The following DAB1 variants were observed in gnomAD, a reference collection of about 807,000 sequenced individuals.
DAB1 encodes the protein disabled homolog 1.
DAB1 carries 15 observed loss-of-function variants against 64.6 expected under a neutral mutation model. The observed-to-expected ratio is 0.23, with a 90% confidence interval of 0.16 to 0.36. The LOEUF (loss-of-function observed/expected upper bound fraction) is 0.36, where lower values mean the gene tolerates loss of function less well. Ranked by LOEUF, DAB1 falls within the 10% of genes least tolerant of loss-of-function variation. DAB1 has a pLI of 1.00. For missense variants in DAB1, 596 were observed against 706.7 expected (o/e 0.84, Z 1.78); for synonymous variants, 235 against 251.9 (o/e 0.93, Z 0.64).
At chr1:57,493,796 T>C (rs112178085) in intron 7 of DAB1, among the ~76,000 whole-genome samples, 4 of 138,226 alleles carry the variant, frequency 2.9e-5, no homozygotes, top group African/African-American at 1.4e-4. Context: ...ACACATTGAC[T>C]GACATTGCTT....
chr1:57,357,000 C>A (rs573233975), intron 1 of DAB1, among the ~76,000 whole-genome samples: 1 of 152,098 alleles, frequency 6.6e-6, no homozygotes, highest in South Asian at 2.1e-4. Context: ...ACAATAATGA[C>A]CCTATCCTAT....
intron 5 of DAB1, among the ~76,000 whole-genome samples, chr1:58,010,124 T>C (rs1646646184): frequency 6.6e-6 from 1 of 152,180 alleles, no homozygotes; most frequent in African/African-American, 2.4e-5. Flanking sequence ...AAAGCTGTTA[T>C]TCAGAATGTG....
chr1:58,359,203 C>T (rs1014683634), intron 3 of DAB1, among the ~76,000 whole-genome samples: 3 of 152,130 alleles, frequency 2.0e-5, no homozygotes, highest in Non-Finnish European at 4.4e-5. Flanking sequence ...AGCCTTCTTA[C>T]CACACCTGTG....
intron 2 of DAB1, among the ~76,000 whole-genome samples, chr1:57,238,787 G>A (rs552427788): frequency 1.3e-5 from 2 of 151,566 alleles, no homozygotes; most frequent in East Asian, 3.9e-4. Flanking sequence ...GAAATAAGGG[G>A]AGAGAAGAAA....
rs190140169 is a variant in DAB1 at position 57,352,583 on chromosome 1, T to A, written c.-136-61417A>T. Among the ~76,000 whole-genome samples the A allele has an allele frequency of 3.9e-5, 6 of 152,242 alleles. No homozygotes were observed. The East Asian group carries it at 1.2e-3, about 29-fold the overall frequency. The stretch of plus-strand genomic sequence containing the variant: ...CATAAGTACTATTATCACCTCCATT[T>A]TACAGACCAAGAAACCAAGGCATAG... On this transcript the variant is annotated intron_variant, in intron 1 of 14. Transcript: ENST00000371236.
intron 5 of DAB1, among the ~76,000 whole-genome samples, chr1:58,126,177 G>T (rs1253483790): frequency 6.6e-6 from 1 of 152,168 alleles, no homozygotes; most frequent in Non-Finnish European, 1.5e-5. Flanking sequence ...AGGCCTTAAA[G>T]AACCCACTTG....
chr1:57,245,931 A>C (rs1387281206), intron 2 of DAB1, among the ~76,000 whole-genome samples: 1 of 152,214 alleles, frequency 6.6e-6, no homozygotes, highest in East Asian at 1.9e-4. Context: ...AGCATTCAAG[A>C]GGTGACCCAG....
At chr1:57,383,369 T>C (rs920805095) in intron 1 of DAB1, among the ~76,000 whole-genome samples, 1 of 152,180 alleles carries the variant, frequency 6.6e-6, no homozygotes, top group African/African-American at 2.4e-5. Flanking sequence ...TGAATCAGAC[T>C]TTGTAGCATA....
intron 7 of DAB1, among the ~76,000 whole-genome samples, chr1:57,484,535 C>T (rs1040338366): frequency 1.4e-4 from 22 of 152,228 alleles, no homozygotes; most frequent in Middle Eastern, 3.4e-3. Flanking sequence ...AATGATGCTG[C>T]CAATGATAGG....
chr1:57,743,535 TG>T (rs1648103990), intron 6 of DAB1, among the ~76,000 whole-genome samples: 4 of 152,332 alleles, frequency 2.6e-5, no homozygotes, highest in African/African-American at 9.6e-5. Context: ...GCCTGTTTGG[TG>T]GTCTCTCCAC....
At chr1:58,055,816 C>G (rs1209874927) in intron 5 of DAB1, among the ~76,000 whole-genome samples, 2 of 151,934 alleles carry the variant, frequency 1.3e-5, no homozygotes, top group East Asian at 3.9e-4. Context: ...GTCTTCTGGG[C>G]TCAAGTGATC....
At chr1:57,510,864 G>A (rs549039581) in intron 7 of DAB1, among the ~76,000 whole-genome samples, 19 of 152,108 alleles carry the variant, frequency 1.2e-4, no homozygotes, top group South Asian at 1.2e-3. Context: ...CTGCATCCTC[G>A]AACTCCCGAA....
intron 5 of DAB1, among the ~76,000 whole-genome samples, chr1:58,106,123 T>C (rs1281137998): frequency 6.7e-6 from 1 of 148,582 alleles, no homozygotes; most frequent in Non-Finnish European, 1.5e-5. Flanking sequence ...TCTTTCTTCC[T>C]TCTTTTCTTT....
At chr1:58,445,465 C>T (rs1446671653) in intron 3 of DAB1, among the ~76,000 whole-genome samples, 4 of 152,210 alleles carry the variant, frequency 2.6e-5, no homozygotes, top group African/African-American at 9.6e-5. Flanking sequence ...CCCTGCCTAG[C>T]AGCAGGAAGC....
chr1:57,231,605 C>A (rs1667685443), intron 2 of DAB1, among the ~76,000 whole-genome samples: 1 of 152,180 alleles, frequency 6.6e-6, no homozygotes, highest in African/African-American at 2.4e-5. Flanking sequence ...TGATCCAGTC[C>A]TCAGAACACT....
chr1:57,376,007 G>T (rs1025368890), intron 1 of DAB1, among the ~76,000 whole-genome samples: 1 of 152,106 alleles, frequency 6.6e-6, no homozygotes, highest in Non-Finnish European at 1.5e-5. Context: ...ATTTCATGAC[G>T]CATGCACTCC....
chr1:57,267,412 A>C (rs1670670126), intron 2 of DAB1, among the ~76,000 whole-genome samples: 1 of 152,234 alleles, frequency 6.6e-6, no homozygotes, highest in African/African-American at 2.4e-5. Context: ...GAGATATTTC[A>C]ATCTCTGTCA....
chr1:58,468,878 T>A (rs1325761552), intron 3 of DAB1: 1 of 217,564 alleles, frequency 4.6e-6, no homozygotes, highest in African/African-American at 2.3e-5. Flanking sequence ...CAGTCATGCA[T>A]GCCACAGAGG....
At chr1:57,738,546 T>C (rs1019987815) in intron 6 of DAB1, among the ~76,000 whole-genome samples, 1 of 152,072 alleles carries the variant, frequency 6.6e-6, no homozygotes, top group Non-Finnish European at 1.5e-5. Context: ...TCTTGTTGTG[T>C]AATATATTTT....
Sources: gnomAD v4.1 joint callset for allele counts (sites outside exome capture counted in the v4.1 genomes callset) on GRCh38, gnomAD v4.1.1 for gene constraint, MANE v1.5 for transcripts, NCBI Gene and HGNC (gene_info 2026-07-23, HGNC 2026-07-21) for gene names.